PTPRT: variants seen among roughly 807,000 people sequenced by gnomAD.
PTPRT encodes the protein receptor-type tyrosine-protein phosphatase T.
A neutral mutation model predicts 176.8 loss-of-function variants in PTPRT; 56 were observed. The observed-to-expected ratio is 0.32, with a 90% CI of 0.26 to 0.40. PTPRT has a LOEUF of 0.40. Ranked by LOEUF, PTPRT falls within the 10% of genes least tolerant of loss-of-function variation. The pLI, the probability that PTPRT is intolerant of heterozygous loss-of-function variation, is 1.00. For synonymous variants in PTPRT, 783 were observed against 739.0 expected, an observed-to-expected ratio of 1.06 and a Z score of -0.96; for missense variants, 1,540 against 1,908.2, an observed-to-expected ratio of 0.81 and a Z score of 3.60.
At chr20:42,856,297 T>G (rs1189048070) in intron 2 of PTPRT, among the ~76,000 whole-genome samples, 1 of 152,072 alleles carries the variant, frequency 6.6e-6, no homozygotes, top group Admixed American at 6.6e-5. Flanking sequence ...CATTACCAAT[T>G]TGGATCAAAT....
the PTPRT span, among the ~76,000 whole-genome samples, chr20:42,051,777 C>G: frequency 6.6e-6 from 1 of 152,248 alleles, no homozygotes; most frequent in Non-Finnish European, 1.5e-5. Context: ...ATACATCCGA[C>G]TGAAGTCACA....
chr20:42,598,887 GTCACAGGGCCTGCCACAGAGTACT>G (rs2073724565), intron 7 of PTPRT, among the ~76,000 whole-genome samples: 1 of 152,270 alleles, frequency 6.6e-6, no homozygotes, highest in East Asian at 1.9e-4. Context: ...TCCAGTGCCT[GTCACAGGGCCTGCCACAGAGTACT>G]TCACGGCGGC....
chr20:43,038,934 C>T (rs945036276), intron 1 of PTPRT, among the ~76,000 whole-genome samples: 12 of 152,204 alleles, frequency 7.9e-5, no homozygotes, highest in African/African-American at 2.6e-4. Context: ...ATAACACAAG[C>T]GATTTGAGTA....
intron 9 of PTPRT, among the ~76,000 whole-genome samples, chr20:42,407,518 A>G (rs1328660584): frequency 6.6e-6 from 1 of 152,190 alleles, no homozygotes; most frequent in Non-Finnish European, 1.5e-5. Context: ...GGCAGTACTT[A>G]AATATAATAA....
intron 1 of PTPRT, among the ~76,000 whole-genome samples, chr20:42,916,955 CTTTA>C (rs775190120): frequency 1.3e-5 from 2 of 152,150 alleles, no homozygotes; most frequent in Admixed American, 6.5e-5. Flanking sequence ...TGCAGAAGCT[CTTTA>C]GTTTAATGAG....
intron 7 of PTPRT, among the ~76,000 whole-genome samples, chr20:42,638,142 T>G (rs1395699877): frequency 6.6e-6 from 1 of 152,110 alleles, no homozygotes; most frequent in Non-Finnish European, 1.5e-5. Context: ...ACTGATTCTA[T>G]CCATAGATAA....
chr20:42,994,410 C>T (rs1266530316), intron 1 of PTPRT, among the ~76,000 whole-genome samples: 1 of 152,086 alleles, frequency 6.6e-6, no homozygotes, highest in Non-Finnish European at 1.5e-5. Flanking sequence ...TAGAAATCAC[C>T]TTTGTATGTA....
intron 1 of PTPRT, among the ~76,000 whole-genome samples, chr20:43,059,107 G>C (rs1204714884): frequency 6.6e-6 from 1 of 152,204 alleles, no homozygotes; most frequent in Non-Finnish European, 1.5e-5. Flanking sequence ...CAGGTCTGAC[G>C]ATCTCAGAAT....
intron 1 of PTPRT, among the ~76,000 whole-genome samples, chr20:43,088,333 G>T (rs1419140627): frequency 7.0e-6 from 1 of 142,758 alleles, no homozygotes; most frequent in Admixed American, 7.0e-5. Context: ...TTTGCTTTGG[G>T]GTGTGTGTGT....
intron 8 of PTPRT, among the ~76,000 whole-genome samples, chr20:42,461,259 G>A (rs919919686): frequency 2.0e-5 from 3 of 152,286 alleles, no homozygotes; most frequent in East Asian, 1.9e-4. Context: ...CCTGGGAGGC[G>A]GAGGTTGCGG....
At chr20:42,740,594 C>T (rs968705040) in intron 6 of PTPRT, among the ~76,000 whole-genome samples, 1 of 152,154 alleles carries the variant, frequency 6.6e-6, no homozygotes, top group African/African-American at 2.4e-5. Context: ...TCCATCCTGG[C>T]AGTGAAATGG....
At chr20:42,143,946 A>G (rs1312445385) in intron 17 of PTPRT, among the ~76,000 whole-genome samples, 2 of 152,218 alleles carry the variant, frequency 1.3e-5, no homozygotes, top group African/African-American at 4.8e-5. Flanking sequence ...CGCATCCAGT[A>G]TTGGTTGAGG....
intron 7 of PTPRT, among the ~76,000 whole-genome samples, chr20:42,632,223 T>TTTG (rs1032987055): frequency 1.8e-4 from 27 of 152,166 alleles, no homozygotes; most frequent in East Asian, 7.7e-4. Flanking sequence ...CTATGCTGTT[T>TTTG]TTGTTGTTGT....
chr20:42,990,622 T>C (rs1308205400), intron 1 of PTPRT, among the ~76,000 whole-genome samples: 1 of 152,194 alleles, frequency 6.6e-6, no homozygotes, highest in African/African-American at 2.4e-5. Context: ...ATAGTGAAGA[T>C]GATATGTCTT....
At chr20:42,731,244 T>C (rs1032383437) in intron 6 of PTPRT, among the ~76,000 whole-genome samples, 3 of 152,198 alleles carry the variant, frequency 2.0e-5, no homozygotes, top group African/African-American at 7.2e-5. Context: ...TTCAGCGCAG[T>C]CTAATTGCAC....
intron 7 of PTPRT, among the ~76,000 whole-genome samples, chr20:42,612,498 C>A (rs910777313): frequency 6.6e-6 from 1 of 152,152 alleles, no homozygotes; most frequent in Non-Finnish European, 1.5e-5. Context: ...ATTTTCCATG[C>A]AGCCATTTCT....
chr20:42,288,190 C>A (rs934997904), intron 12 of PTPRT, among the ~76,000 whole-genome samples: 1 of 151,844 alleles, frequency 6.6e-6, no homozygotes, highest in Non-Finnish European at 1.5e-5. Flanking sequence ...TGACCAGCAC[C>A]CAGATCAAAA....
intron 1 of PTPRT, among the ~76,000 whole-genome samples, chr20:42,960,606 G>A (rs990478737): frequency 2.0e-5 from 3 of 152,128 alleles, no homozygotes; most frequent in African/African-American, 7.2e-5. Context: ...CTGGGTATGT[G>A]TAGTCGCCAG....
the PTPRT span, among the ~76,000 whole-genome samples, chr20:42,042,361 C>A: frequency 6.6e-6 from 1 of 152,190 alleles, no homozygotes; most frequent in African/African-American, 2.4e-5. Context: ...ATAAATTAAA[C>A]ACTTCTTTAG....
Sources: allele counts gnomAD v4.1 joint callset (sites outside exome capture counted in the v4.1 genomes callset), GRCh38; gene constraint gnomAD v4.1.1; transcripts MANE v1.5; gene names NCBI Gene and HGNC (gene_info 2026-07-23, HGNC 2026-07-21).